The following FAM163A variants were observed in gnomAD, a reference collection of about 807,000 sequenced individuals.
FAM163A encodes family with sequence similarity 163 member A, also known as protein FAM163A.
In FAM163A, 7 loss-of-function variants were observed where a neutral mutation model predicts 12.0. The observed-to-expected ratio is 0.58, with a 90% CI of 0.33 to 1.10. The LOEUF is 1.10. FAM163A is among the 50% of genes least tolerant of loss of function. The probability of loss-of-function intolerance (pLI) is 0.03; values close to 1 mark genes in which losing one functional copy is unlikely to be tolerated. For synonymous variants in FAM163A, 101 were observed against 91.0 expected, an observed-to-expected ratio of 1.11 and a Z score of -0.62; for missense variants, 202 against 218.6, an observed-to-expected ratio of 0.92 and a Z score of 0.48.
At chr1:179,756,007 C>G (rs1379754643) in intron 1 of FAM163A, among the ~76,000 whole-genome samples, 1 of 152,252 alleles carries the variant, frequency 6.6e-6, no homozygotes. Flanking sequence ...CACCAACCTT[C>G]TCTTAGCAGA....
At chr1:179,808,646 G>T (rs1694284667) in intron 2 of FAM163A, among the ~76,000 whole-genome samples, 1 of 152,212 alleles carries the variant, frequency 6.6e-6, no homozygotes, top group Non-Finnish European at 1.5e-5. Context: ...TCTATTCACA[G>T]AAGTGACATC....
chr1:179,782,536 C>T (rs928315364), intron 1 of FAM163A, among the ~76,000 whole-genome samples: 7 of 152,008 alleles, frequency 4.6e-5, no homozygotes, highest in Admixed American at 1.3e-4. Context: ...GGGCTTTGCT[C>T]GCAGAATCTG....
intron 1 of FAM163A, among the ~76,000 whole-genome samples, chr1:179,782,260 G>C (rs1689880382): frequency 6.6e-6 from 1 of 152,114 alleles, no homozygotes; most frequent in African/African-American, 2.4e-5. Flanking sequence ...GATTCTGGCA[G>C]GGGCAGCAGT....
chr1:179,794,059 CAGG>C (rs1444308522), intron 1 of FAM163A, among the ~76,000 whole-genome samples: 1 of 152,234 alleles, frequency 6.6e-6, no homozygotes, highest in Admixed American at 6.5e-5. Flanking sequence ...TCCAAGGTAG[CAGG>C]AGGACACTCC....
chr1:179,751,190 T>A (rs1389871663), intron 1 of FAM163A, among the ~76,000 whole-genome samples: 2 of 151,978 alleles, frequency 1.3e-5, no homozygotes, highest in African/African-American at 2.4e-5. Flanking sequence ...GTCATCAACA[T>A]CTAGGGGTAA....
intron 1 of FAM163A, among the ~76,000 whole-genome samples, chr1:179,743,756 G>C (rs1010939387): frequency 1.3e-5 from 2 of 152,142 alleles, no homozygotes; most frequent in Non-Finnish European, 2.9e-5. Context: ...CGCGCCTCGG[G>C]GCCGGACTTG....
intron 1 of FAM163A, among the ~76,000 whole-genome samples, chr1:179,753,519 T>C (rs1029257204): frequency 3.3e-5 from 5 of 152,150 alleles, no homozygotes; most frequent in Non-Finnish European, 5.9e-5. Flanking sequence ...AAAGGAAGGT[T>C]AATTCATAGT....
chr1:179,801,501 A>G (rs950976851), intron 1 of FAM163A, among the ~76,000 whole-genome samples: 2 of 152,142 alleles, frequency 1.3e-5, no homozygotes, highest in African/African-American at 4.8e-5. Context: ...GAACAACATC[A>G]GCCCTCTTTA....
upstream of FAM163A, among the ~76,000 whole-genome samples, chr1:179,742,945 C>A (rs1683839199): frequency 6.6e-6 from 1 of 152,218 alleles, no homozygotes; most frequent in South Asian, 2.1e-4. Context: ...CAGTCTCTTT[C>A]CAGTGGATAG....
intron 1 of FAM163A, among the ~76,000 whole-genome samples, chr1:179,757,830 G>A (rs144103649): frequency 3.1e-5 from 4 of 128,740 alleles, no homozygotes; most frequent in African/African-American, 6.1e-5. Flanking sequence ...AAAACAAAAC[G>A]AAAAACAGTG....
rs147317479 is a variant in FAM163A at position 179,766,982 on chromosome 1, C to T, written c.-136+23559C>T. ...TGTTGGCCAGGCTGGTCTCGAGCTC[C>T]TGACCTCAGGTGATCTGCCCATCTC... is the stretch of plus-strand genomic sequence containing the variant. On this transcript the variant is annotated intron_variant, in intron 1 of 4. Transcript: ENST00000341785. Among the ~76,000 whole-genome samples the T allele has an allele frequency of 7.8e-3, 1,191 of 152,292 alleles. 9 individuals carry two copies. Among genetic ancestry groups the T allele is most frequent in the Non-Finnish European group, 0.013 (916 of 68,022 alleles).
At chr1:179,768,417 C>T (rs964127161) in intron 1 of FAM163A, among the ~76,000 whole-genome samples, 18 of 152,150 alleles carry the variant, frequency 1.2e-4, no homozygotes, top group African/African-American at 4.3e-4. Context: ...TTTTATTATT[C>T]TCTCCTGGAT....
At chr1:179,758,556 G>A (rs1022356285) in intron 1 of FAM163A, among the ~76,000 whole-genome samples, 17 of 152,222 alleles carry the variant, frequency 1.1e-4, no homozygotes, top group Middle Eastern at 6.8e-3. Flanking sequence ...GAGGTGAAGG[G>A]CACAGAGCTT....
intron 1 of FAM163A, among the ~76,000 whole-genome samples, chr1:179,790,323 G>C (rs1005030541): frequency 6.2e-5 from 9 of 144,672 alleles, no homozygotes; most frequent in African/African-American, 1.8e-4. Context: ...AATGGCCCTA[G>C]AATGTATTTA....
At chr1:179,812,989 C>A in intron 3 of FAM163A, 87 bp from the exon 4 acceptor site, 2 of 1,279,790 alleles carry the variant, frequency 1.6e-6, no homozygotes, top group Non-Finnish European at 1.1e-6. Context: ...CCTGCCCCAG[C>A]CTCGGGGCAG....
intron 1 of FAM163A, among the ~76,000 whole-genome samples, chr1:179,768,384 A>G (rs1377140764): frequency 6.6e-6 from 1 of 152,212 alleles, no homozygotes; most frequent in Non-Finnish European, 1.5e-5. Context: ...CACACAGCCA[A>G]TAAGATGTCT....
chr1:179,780,695 G>A (rs1447146585), intron 1 of FAM163A, among the ~76,000 whole-genome samples: 2 of 152,310 alleles, frequency 1.3e-5, no homozygotes, highest in East Asian at 3.9e-4. Context: ...TAAAGTTTGT[G>A]TGATTCCTAC....
intron 1 of FAM163A, among the ~76,000 whole-genome samples, chr1:179,787,943 C>T (rs1212260120): frequency 1.3e-5 from 2 of 152,150 alleles, no homozygotes; most frequent in Non-Finnish European, 2.9e-5. Context: ...TACAAAGCGA[C>T]CTGGATGTCA....
chr1:179,762,952 C>T (rs556635141), intron 1 of FAM163A, among the ~76,000 whole-genome samples: 131 of 152,180 alleles, frequency 8.6e-4, no homozygotes, highest in Non-Finnish European at 1.5e-3. Flanking sequence ...AAAGACAAAT[C>T]GACAGGAGAA....
Sources: gnomAD v4.1 joint callset for allele counts (sites outside exome capture counted in the v4.1 genomes callset) on GRCh38, gnomAD v4.1.1 for gene constraint, MANE v1.5 for transcripts, NCBI Gene and HGNC (gene_info 2026-07-23, HGNC 2026-07-21) for gene names.